Variants in VEZT observed in about 807,000 individuals in gnomAD.
The protein encoded by VEZT is vezatin, adherens junctions transmembrane protein, also known as vezatin.
Under a neutral mutation model 79.9 loss-of-function variants are expected in VEZT, and 39 were observed. The observed-to-expected ratio is 0.49, with a 90% CI of 0.38 to 0.64. VEZT has a LOEUF of 0.64. Ranked by LOEUF, VEZT falls within the 30% of genes least tolerant of loss-of-function variation. VEZT has a pLI of 0.00. For missense variants in VEZT, 837 were observed against 893.1 expected (o/e 0.94, Z 0.80); for synonymous variants, 325 against 327.6 (o/e 0.99, Z 0.09).
At chr12:95,243,942 C>T (rs2061383821) in intron 1 of VEZT, 1 of 456,058 alleles carries the variant, frequency 2.2e-6, no homozygotes, top group Non-Finnish European at 4.4e-6. Flanking sequence ...TATATCTAGG[C>T]AGCAGAGCCC....
intron 1 of VEZT, 56 bp downstream of exon 1, chr12:95,217,942 G>A (rs2056928929): frequency 6.3e-6 from 9 of 1,438,854 alleles, no homozygotes; most frequent in Non-Finnish European, 7.3e-6. Context: ...GGACGAGACG[G>A]AAATCGAGGA....
intron 7 of VEZT, among the ~76,000 whole-genome samples, chr12:95,280,005 T>C (rs1273884926): frequency 6.6e-6 from 1 of 152,186 alleles, no homozygotes; most frequent in Non-Finnish European, 1.5e-5. Flanking sequence ...AGTCAAGAGA[T>C]TGTGTTAGTT....
At chr12:95,242,171 AACTACC>A (rs1402273202) in intron 1 of VEZT, 2 of 152,086 alleles carry the variant, frequency 1.3e-5, no homozygotes, top group Non-Finnish European at 2.9e-5. Flanking sequence ...TAGACATTAA[AACTACC>A]ACTACTATGG....
chr12:95,262,835 A>G (rs944082821), intron 3 of VEZT, 71 bp from the exon 4 acceptor site: 34 of 1,346,558 alleles, frequency 2.5e-5, no homozygotes, highest in African/African-American at 2.9e-5. Flanking sequence ...TTATTAGTAC[A>G]TTAGGAGCTT....
chr12:95,243,101 G>A (rs1421587212), intron 1 of VEZT, among the ~76,000 whole-genome samples: 3 of 152,046 alleles, frequency 2.0e-5, no homozygotes, highest in Admixed American at 1.3e-4. Flanking sequence ...GGCCAGGCCT[G>A]GTGGCTTATG....
chr12:95,235,752 G>T (rs1235250427), intron 1 of VEZT, among the ~76,000 whole-genome samples: 1 of 151,808 alleles, frequency 6.6e-6, no homozygotes, highest in Non-Finnish European at 1.5e-5. Context: ...GGTGGTTGCC[G>T]GCCGGAGACG....
At chr12:95,246,770 A>G (rs1007060846) in intron 1 of VEZT, among the ~76,000 whole-genome samples, 2 of 152,206 alleles carry the variant, frequency 1.3e-5, no homozygotes, top group Non-Finnish European at 2.9e-5. Context: ...CATCAGTAAC[A>G]TTCTCCAATA....
intron 1 of VEZT, among the ~76,000 whole-genome samples, chr12:95,250,747 AT>A (rs3080327): frequency 8.4e-4 from 120 of 142,848 alleles, no homozygotes; most frequent in Middle Eastern, 3.7e-3. Flanking sequence ...GGTTGGGGTG[AT>A]TTTTTTTTTT....
At chr12:95,289,012 G>A (rs2071769131) in intron 9 of VEZT, among the ~76,000 whole-genome samples, 2 of 151,422 alleles carry the variant, frequency 1.3e-5, no homozygotes, top group African/African-American at 4.9e-5. Context: ...CCAAGAGTTT[G>A]AGGCTGCAGT....
intron 10 of VEZT, 36 bp from the exon 11 acceptor site, chr12:95,296,015 T>C (rs1337312710): frequency 7.0e-7 from 1 of 1,434,102 alleles, no homozygotes; most frequent in African/African-American, 1.4e-5. Context: ...AATTGTTTGC[T>C]TCAAGTAAAG....
intron 1 of VEZT, among the ~76,000 whole-genome samples, chr12:95,239,894 G>A (rs1275749799): frequency 6.6e-6 from 1 of 151,750 alleles, no homozygotes; most frequent in East Asian, 1.9e-4. Context: ...GGAAGTTGCA[G>A]TGAGCTGAGA....
At chr12:95,280,433 C>T (rs977603707) in intron 7 of VEZT, among the ~76,000 whole-genome samples, 2 of 149,864 alleles carry the variant, frequency 1.3e-5, no homozygotes, top group Non-Finnish European at 3.0e-5. Context: ...CTCTCTCCTT[C>T]GCGCTTTCTG....
chr12:95,295,244 T>C (rs916107157), intron 10 of VEZT, among the ~76,000 whole-genome samples: 1 of 152,138 alleles, frequency 6.6e-6, no homozygotes, highest in Admixed American at 6.5e-5. Context: ...CACTGCAACC[T>C]CTGTTGCCCG....
chr12:95,276,140 C>T (rs2067658971), intron 7 of VEZT, among the ~76,000 whole-genome samples: 1 of 151,776 alleles, frequency 6.6e-6, no homozygotes, highest in Non-Finnish European at 1.5e-5. Flanking sequence ...TTAATTTGCC[C>T]TTACAGATTT....
At chr12:95,226,924 C>T (rs1401394124) in intron 1 of VEZT, among the ~76,000 whole-genome samples, 1 of 135,612 alleles carries the variant, frequency 7.4e-6, no homozygotes, top group Non-Finnish European at 1.5e-5. Context: ...TACCATCATT[C>T]TACTCTAAGA....
At position 95,296,199 on chromosome 12, in the gene VEZT, G is replaced by T. The variant is rs866062716; in HGVS notation, c.1772G>T (p.Gly591Val). 3 of 1,587,310 alleles carry T rather than the reference G, an allele frequency of 1.9e-6. No individual in the cohort carries two copies. The highest frequency in any genetic ancestry group is 2.6e-6 in the Non-Finnish European group (3 of 1,165,894). The stretch of plus-strand genomic sequence containing the variant: ...CTCCAAGAATTAAAATCTGTGCTGG[G>T]ATTTAAAGCTTCAGAGGCAGAAAGG... ...RVLQELKSVL[G>V]FKASEAERQK... Residue 591 changes from glycine (G) to valine (V), a missense_variant, in exon 11 of 12, where the codon GGA becomes GTA. Physicochemically the swap from Gly to Val is moderately radical, Grantham distance 109. Coordinates refer to ENST00000436874, the MANE Select transcript of VEZT (RefSeq NM_017599.4).
intron 8 of VEZT, among the ~76,000 whole-genome samples, chr12:95,285,300 C>G (rs1566272958): frequency 6.6e-6 from 1 of 150,944 alleles, no homozygotes; most frequent in Non-Finnish European, 1.5e-5. Flanking sequence ...AAAAATTAGC[C>G]AGTCATGGTG....
rs151208026 is a variant in VEZT at position 95,285,358 on chromosome 12, C to T, written c.1329-2306C>T. ...GCTTGGGAGGCTGAGGTGGGAGGAT[C>T]ACCTGACCCCTGGAGGTTGAGGTTG... On this transcript the variant is annotated intron_variant, in intron 8 of 11. Coordinates refer to ENST00000436874, the MANE Select transcript of VEZT (RefSeq NM_017599.4). 3.0e-3 allele frequency among the ~76,000 whole-genome samples: 449 copies of T among 151,822 alleles called. 3 individuals carry two copies. Among genetic ancestry groups the T allele is most frequent in the African/African-American group, 0.01 (424 of 41,428 alleles).
At chr12:95,233,389 AT>A (rs1389823494) in intron 1 of VEZT, among the ~76,000 whole-genome samples, 1 of 151,674 alleles carries the variant, frequency 6.6e-6, no homozygotes, top group African/African-American at 2.4e-5. Context: ...TTTTTAAATT[AT>A]TTTTTATTTT....
Sources: allele counts gnomAD v4.1 joint callset (sites outside exome capture counted in the v4.1 genomes callset), GRCh38; gene constraint gnomAD v4.1.1; transcripts MANE v1.5; gene names NCBI Gene and HGNC (gene_info 2026-07-23, HGNC 2026-07-21).